CDH23: variants seen among roughly 807,000 people sequenced by gnomAD.
The protein encoded by CDH23 is cadherin-23.
In CDH23, 189 loss-of-function variants were observed where a neutral mutation model predicts 317.1. The observed-to-expected ratio is 0.60, with a 90% CI of 0.53 to 0.67. The LOEUF is 0.67. CDH23 is among the 30% of genes least tolerant of loss of function. CDH23 has a pLI of 0.00. For synonymous variants in CDH23, 1,839 were observed against 1,876.8 expected (o/e 0.98, Z 0.52); for missense variants, 4,401 against 4,592.4 (o/e 0.96, Z 1.20).
At chr10:71,632,167 C>T (rs760488097) in intron 11 of CDH23, among the ~76,000 whole-genome samples, 7 of 152,110 alleles carry the variant, frequency 4.6e-5, no homozygotes, top group African/African-American at 7.2e-5. Flanking sequence ...TATGGAATAC[C>T]CCCACACCCA....
chr10:71,592,802 C>T (rs949741880), intron 9 of CDH23, among the ~76,000 whole-genome samples: 1 of 152,184 alleles, frequency 6.6e-6, no homozygotes, highest in Non-Finnish European at 1.5e-5. Flanking sequence ...CCATAGCATC[C>T]GTGCCCTCTC....
chr10:71,568,557 G>T (rs1426903932), intron 7 of CDH23, among the ~76,000 whole-genome samples: 3 of 152,214 alleles, frequency 2.0e-5, no homozygotes, highest in Admixed American at 2.0e-4. Flanking sequence ...CAGTAATCAG[G>T]CTTGGAAGCA....
chr10:71,702,256 C>A (rs373980701), intron 23 of CDH23, 45 bp downstream of exon 23: 3 of 1,582,536 alleles, frequency 1.9e-6, no homozygotes, highest in Admixed American at 1.7e-5. Flanking sequence ...CCTTAGGCTG[C>A]GGGTGTCCCT....
In CDH23 at chr10:71,806,258, G is replaced by A. The variant is rs770362312; in HGVS notation, c.8155G>A (p.Glu2719Lys). 1.3e-6 allele frequency: 2 copies of A among 1,566,136 alleles called. No homozygotes were observed. Among genetic ancestry groups the A allele is most frequent in the Non-Finnish European group, 1.7e-6 (2 of 1,155,826 alleles). Residue 2719 changes from glutamate (E) to lysine (K), a missense_variant, in exon 57 of 70, where the codon GAA becomes AAA. Glu to Lys is a moderately conservative substitution (Grantham distance 56). Around this residue, in one of 3 missense-constraint regions of CDH23, gnomAD observed 1,144 missense variants for 1,138.2 expected, o/e 1.01. Coordinates refer to ENST00000224721, the MANE Select transcript of CDH23 (RefSeq NM_022124.6). ...QVALEDIDDN[E>K]PLFVRPPKGS... ...GGCCCTGGAGGACATCGATGACAAC[G>A]AACCCCTTTTCGTGAGGCCTCCAGT...
In CDH23 at chr10:71,707,013, G is replaced by T. The variant is rs397517319; in HGVS notation, c.3070G>T (p.Val1024Leu). The T allele has an allele frequency of 1.2e-6, 2 of 1,607,580 alleles. No homozygotes were observed. Among genetic ancestry groups the T allele is most frequent in the Non-Finnish European group, 8.5e-7 (1 of 1,177,174 alleles). ...VVWLNCTDND[V>L]GLNAELSYFI... ...CTGGCTGAACTGCACGGACAACGAC[G>T]TGGGCCTCAATGCAGAGCTCAGCTA... The change falls in exon 26 of 70, where the codon GTG (valine) becomes TTG (leucine). Residue 1024 changes from valine (V) to leucine (L), a missense_variant. Physicochemically the swap from Val to Leu is conservative, Grantham distance 32. Transcript: ENST00000224721.
rs71018215 is a variant in CDH23 at position 71,590,873 on chromosome 10, T to TA, written c.832+12894dup. On this transcript the variant is annotated intron_variant, in intron 9 of 69. Coordinates refer to ENST00000224721, the MANE Select transcript of CDH23 (RefSeq NM_022124.6). ...GGGCAACAGAGTGAGACCCTGTCTC[T>TA]AAAAAAAAAAAAACAAAAAAAAACA... Among the ~76,000 whole-genome samples, 385 of 72,216 alleles carry TA rather than the reference T, an allele frequency of 5.3e-3. 16 individuals are homozygous for TA. The highest frequency in any genetic ancestry group is 0.014 in the African/African-American group (207 of 14,420). The allele number at this position is 72,216 out of a possible 152,430, so 47.4% of individuals were successfully genotyped here.
At chr10:71,734,700 G>A (rs1201323228) in intron 34 of CDH23, 42 bp downstream of exon 34, 1 of 1,315,482 alleles carries the variant, frequency 7.6e-7, no homozygotes, top group Non-Finnish European at 1.0e-6. Flanking sequence ...GCTGTTGGCT[G>A]TGGCCAGTGC....
At chr10:71,441,418 G>T (rs983286274) in intron 2 of CDH23, among the ~76,000 whole-genome samples, 1 of 152,060 alleles carries the variant, frequency 6.6e-6, no homozygotes, top group African/African-American at 2.4e-5. Context: ...TTCTTCATCC[G>T]TTAAAAAGAA....
At chr10:71,771,739 GAGTAA>G (rs1176934297) in intron 38 of CDH23, among the ~76,000 whole-genome samples, 1 of 152,196 alleles carries the variant, frequency 6.6e-6, no homozygotes, top group Non-Finnish European at 1.5e-5. Flanking sequence ...AGACCTCTGG[GAGTAA>G]AGGCCCCTGG....
chr10:71,595,773 G>A (rs1160833342), intron 9 of CDH23, among the ~76,000 whole-genome samples: 2 of 152,172 alleles, frequency 1.3e-5, no homozygotes, highest in Non-Finnish European at 2.9e-5. Context: ...CAGCCTTGAT[G>A]TGGCCTGCCT....
intron 28 of CDH23, among the ~76,000 whole-genome samples, chr10:71,719,319 G>A (rs1379558580): frequency 6.6e-6 from 1 of 152,164 alleles, no homozygotes; most frequent in Non-Finnish European, 1.5e-5. Flanking sequence ...GGCAGTTGAA[G>A]CCACTCCCTT....
chr10:71,448,331 G>A (rs1850270679), intron 3 of CDH23, among the ~76,000 whole-genome samples: 1 of 152,248 alleles, frequency 6.6e-6, no homozygotes, highest in African/African-American at 2.4e-5. Context: ...GCAAACGCCA[G>A]CATCGATCGG....
In CDH23 at chr10:71,511,123, A is replaced by T. The variant is rs1853955345; in HGVS notation, c.340A>T (p.Ile114Phe). 6.2e-7 allele frequency: 1 copy of T among 1,613,310 alleles called. No homozygotes were observed. The highest frequency in any genetic ancestry group is 1.3e-5 in the African/African-American group (1 of 74,874). Residue 114 changes from isoleucine (I) to phenylalanine (F), a missense_variant, in exon 6 of 70, where the codon ATC becomes TTC. This residue lies in a region of CDH23 where 3,068 missense variants were observed against 3,203.3 expected (regional missense o/e 0.96). Coordinates refer to ENST00000224721, the MANE Select transcript of CDH23 (RefSeq NM_022124.6). ...TTGCCCGCCTTTCTCTTGCCAGGTG[A>T]TCACACGGAAGGTGAACATCCAGGT... is the stretch of plus-strand genomic sequence containing the variant. ...EFSVSDHQGVITRKVNIQVGD... is the reference protein window; with the variant it reads ...EFSVSDHQGVFTRKVNIQVGD...
intron 28 of CDH23, chr10:71,713,135 T>G (rs768065995): frequency 1.3e-6 from 1 of 778,424 alleles, no homozygotes; most frequent in Admixed American, 1.7e-5. Flanking sequence ...CGTCACAATT[T>G]CCCGGAAAGG....
intron 9 of CDH23, among the ~76,000 whole-genome samples, chr10:71,602,668 G>A (rs888799250): frequency 6.6e-6 from 1 of 152,028 alleles, no homozygotes; most frequent in Non-Finnish European, 1.5e-5. Context: ...GCCCCGCTCT[G>A]CCCATCTTTC....
intron 1 of CDH23, among the ~76,000 whole-genome samples, chr10:71,398,315 C>A (rs948716278): frequency 1.6e-4 from 24 of 152,224 alleles, no homozygotes; most frequent in African/African-American, 5.5e-4. Context: ...TCTTTTTCTA[C>A]GTCCTTTGCC....
chr10:71,550,575 AAAG>A (rs1435886079), intron 6 of CDH23, among the ~76,000 whole-genome samples: 25 of 113,162 alleles, frequency 2.2e-4, no homozygotes, highest in Admixed American at 7.3e-4. Flanking sequence ...AAAAAAAAAA[AAAG>A]AAAAAAGAAA....
rs565814905 is a variant in CDH23 at position 71,450,230 on chromosome 10, G to T, written c.145+3835G>T. On this transcript the variant is annotated intron_variant, in intron 3 of 69. Transcript: ENST00000224721. ...TAGCATGAGGGACAGGTGCTGCAGG[G>T]GTGCTGTCTCCCACTTAACCTCCTG... Among the ~76,000 whole-genome samples, 185 of 151,892 alleles carry T rather than the reference G, an allele frequency of 1.2e-3. 1 individual carries two copies. The highest frequency in any genetic ancestry group is 4.3e-3 in the African/African-American group (177 of 41,370).
At chr10:71,642,401 T>A (rs1382234093) in intron 11 of CDH23, among the ~76,000 whole-genome samples, 2 of 131,772 alleles carry the variant, frequency 1.5e-5, no homozygotes, top group African/African-American at 5.5e-5. Flanking sequence ...CTCTTTTTTT[T>A]TTTTTTTTTT....
Sources: allele counts gnomAD v4.1 joint callset (sites outside exome capture counted in the v4.1 genomes callset), GRCh38; gene constraint gnomAD v4.1.1; regional missense constraint gnomAD v4.1.1; transcripts MANE v1.5; gene names NCBI Gene and HGNC (gene_info 2026-07-23, HGNC 2026-07-21).